The following CCDC32 variants were observed in gnomAD, a reference collection of about 807,000 sequenced individuals.
The protein encoded by CCDC32 is coiled-coil domain containing 32.
In CCDC32, 9 loss-of-function variants were observed where a neutral mutation model predicts 20.1. The observed-to-expected ratio is 0.45, with a 90% CI of 0.27 to 0.78. CCDC32 has a LOEUF of 0.78. Among genes scored for constraint, CCDC32 ranks in the 30% least tolerant of loss-of-function variants. The pLI, the probability that CCDC32 is intolerant of heterozygous loss-of-function variation, is 0.16. For missense variants in CCDC32, 204 were observed against 215.5 expected (o/e 0.95, Z 0.33); for synonymous variants, 63 against 79.0 (o/e 0.80, Z 1.07).
At chr15:40,547,043 A>G (rs917227574) in intron 3 of CCDC32, among the ~76,000 whole-genome samples, 4 of 151,844 alleles carry the variant, frequency 2.6e-5, no homozygotes, top group Admixed American at 2.6e-4. Flanking sequence ...ATGGTGTATA[A>G]AACAGCAGAG....
chr15:40,560,072 C>T (rs554683526), intron 2 of CCDC32, among the ~76,000 whole-genome samples: 6 of 152,138 alleles, frequency 3.9e-5, no homozygotes, highest in Non-Finnish European at 7.4e-5. Flanking sequence ...TGCAGTGGTG[C>T]GATTTCAGCT....
At chr15:40,560,622 T>G (rs1256241587) in intron 2 of CCDC32, among the ~76,000 whole-genome samples, 1 of 151,994 alleles carries the variant, frequency 6.6e-6, no homozygotes, top group Non-Finnish European at 1.5e-5. Flanking sequence ...TATGAAAAAA[T>G]GCTCAAAATC....
downstream of CCDC32, among the ~76,000 whole-genome samples, chr15:40,530,341 G>A (rs1356787464): frequency 2.0e-5 from 3 of 147,192 alleles, 1 homozygote; most frequent in Non-Finnish European, 4.5e-5. Flanking sequence ...TGGGCCTAAT[G>A]GGAGATGTTT....
chr15:40,532,355 T>C (rs554195963), downstream of CCDC32: 48 of 701,184 alleles, frequency 6.8e-5, no homozygotes, highest in South Asian at 6.4e-4. Flanking sequence ...CCATTTTGGA[T>C]TGAAGATAAA....
chr15:40,542,972 A>G (rs1889461266), intron 3 of CCDC32, among the ~76,000 whole-genome samples: 1 of 141,940 alleles, frequency 7.0e-6, no homozygotes, highest in Admixed American at 7.4e-5. Context: ...AGCCTGGGCA[A>G]CATACTGAGA....
chr15:40,558,844 G>A (rs1890428966), intron 2 of CCDC32, among the ~76,000 whole-genome samples: 1 of 151,204 alleles, frequency 6.6e-6, no homozygotes, highest in Admixed American at 6.6e-5. Flanking sequence ...CTGTCACCCA[G>A]GCTGGAGTGC....
intron 3 of CCDC32, among the ~76,000 whole-genome samples, chr15:40,556,454 C>T (rs1348211834): frequency 2.6e-5 from 4 of 152,208 alleles, no homozygotes; most frequent in African/African-American, 4.8e-5. Flanking sequence ...CTCCATGACA[C>T]CAAGCACAGT....
chr15:40,549,011 A>T (rs1889733960), downstream of CCDC32, among the ~76,000 whole-genome samples: 2 of 152,174 alleles, frequency 1.3e-5, no homozygotes, highest in Admixed American at 1.3e-4. Context: ...ATAACAAGAA[A>T]AATTGAAGTA....
rs527669246 is a variant in CCDC32 at position 40,539,619 on chromosome 15, G to A, written c.402-264C>T. Among the ~76,000 whole-genome samples the A allele has an allele frequency of 6.6e-5, 10 of 152,310 alleles. No homozygotes were observed. The East Asian group carries it at 1.9e-3, about 29-fold the overall frequency. On this transcript the variant is annotated intron_variant, in intron 3 of 3. Coordinates refer to the CCDC32 transcript ENST00000558113. ...GCACCACAGCAAGAGGCCAGGCAGAGGAAGAGAGGAAAAGCAGAGACCAAG... is the reference window on the plus strand; with the variant it reads ...GCACCACAGCAAGAGGCCAGGCAGAAGAAGAGAGGAAAAGCAGAGACCAAG...
intron 3 of CCDC32, among the ~76,000 whole-genome samples, chr15:40,555,330 T>C (rs1890164938): frequency 6.6e-6 from 1 of 152,210 alleles, no homozygotes; most frequent in Non-Finnish European, 1.5e-5. Context: ...TCTACATTAT[T>C]TTACATATTG....
chr15:40,551,111 G>A (rs1007203669), downstream of CCDC32, among the ~76,000 whole-genome samples: 7 of 152,074 alleles, frequency 4.6e-5, no homozygotes, highest in African/African-American at 1.4e-4. Flanking sequence ...GGCAGGGCAC[G>A]GTGGCTGACG....
At chr15:40,527,176 G>A (rs1279765437), downstream of CCDC32, among the ~76,000 whole-genome samples, 1 of 148,930 alleles carries the variant, frequency 6.7e-6, no homozygotes, top group Non-Finnish European at 1.5e-5. Context: ...GTCTCGAACT[G>A]CTTTTTTTTT....
chr15:40,564,902 T>C (rs1350726552), intron 1 of CCDC32, 74 bp downstream of exon 1: 1 of 1,268,008 alleles, frequency 7.9e-7, no homozygotes, highest in Non-Finnish European at 1.1e-6. Flanking sequence ...TCCCAAGGCC[T>C]CTATGTGGTA....
chr15:40,547,408 A>C lies in CCDC32; in HGVS notation c.402-8053T>G, dbSNP rs1053314873. On this transcript the variant is annotated intron_variant, in intron 3 of 3. Transcript: ENST00000558113. ...AGGTCCTAGGCACCCGAGCTTCAGC[A>C]GTGGGACTTTCTCAGTGTTTCTGTC... 5.3e-5 allele frequency among the ~76,000 whole-genome samples: 8 copies of C among 152,302 alleles called. No homozygotes were observed. In the East Asian group the frequency reaches 1.5e-3, roughly 29 times the overall value.
intron 2 of CCDC32, among the ~76,000 whole-genome samples, chr15:40,561,648 T>A (rs1024528238): frequency 2.0e-5 from 3 of 152,092 alleles, no homozygotes; most frequent in Non-Finnish European, 4.4e-5. Flanking sequence ...ACTTCACCAC[T>A]ATACAATTAA....
downstream of CCDC32, among the ~76,000 whole-genome samples, chr15:40,549,758 A>G (rs1426738889): frequency 1.3e-5 from 2 of 152,202 alleles, no homozygotes; most frequent in African/African-American, 4.8e-5. Context: ...TAACATCCCA[A>G]TGGCAGTATC....
At chr15:40,538,908 C>A, downstream of CCDC32, 1 of 362,670 alleles carries the variant, frequency 2.8e-6, no homozygotes, top group Non-Finnish European at 5.2e-6. Flanking sequence ...AGTACCCACC[C>A]ATGAGCGCTG....
At chr15:40,534,255 C>T (rs35598660), downstream of CCDC32, 2,348 of 152,518 alleles carry the variant, frequency 0.015, 32 homozygotes, top group Middle Eastern at 0.048. Flanking sequence ...CCAGCAGGGT[C>T]CAGTTCTGGG....
downstream of CCDC32, among the ~76,000 whole-genome samples, chr15:40,532,967 A>C (rs1888948615): frequency 6.6e-6 from 1 of 151,838 alleles, no homozygotes; most frequent in African/African-American, 2.4e-5. Flanking sequence ...AGCTTCTCAA[A>C]GTGTTGGGAT....
Sources: allele counts gnomAD v4.1 joint callset (sites outside exome capture counted in the v4.1 genomes callset), GRCh38; gene constraint gnomAD v4.1.1; transcripts MANE v1.5; gene names NCBI Gene and HGNC (gene_info 2026-07-23, HGNC 2026-07-21).